The following VPS13D variants were observed in gnomAD, a reference collection of about 807,000 sequenced individuals.
The protein encoded by VPS13D is intermembrane lipid transfer protein VPS13D.
Under a neutral mutation model 461.9 loss-of-function variants are expected in VPS13D, and 187 were observed. The observed-to-expected ratio is 0.40, with a 90% CI of 0.36 to 0.46. VPS13D has a LOEUF of 0.46. VPS13D is among the 20% of genes least tolerant of loss of function. The pLI is 0.60. For missense variants in VPS13D, 4,711 were observed against 5,364.9 expected, an observed-to-expected ratio of 0.88 and a Z score of 3.81; for synonymous variants, 1,951 against 1,986.3, an observed-to-expected ratio of 0.98 and a Z score of 0.47.
intron 41 of VPS13D, among the ~76,000 whole-genome samples, chr1:12,342,477 G>A (rs940934216): frequency 7.2e-5 from 11 of 152,242 alleles, no homozygotes; most frequent in Non-Finnish European, 1.6e-4. Context: ...GAAGTGCATG[G>A]CATGAGTAAC....
At chr1:12,338,751 A>G (rs1643504645) in intron 40 of VPS13D, among the ~76,000 whole-genome samples, 1 of 152,214 alleles carries the variant, frequency 6.6e-6, no homozygotes, top group Non-Finnish European at 1.5e-5. Flanking sequence ...AAAAATTCTC[A>G]GTAAATAATT....
At chr1:12,306,835 A>G (rs925463175) in intron 26 of VPS13D, among the ~76,000 whole-genome samples, 6 of 152,298 alleles carry the variant, frequency 3.9e-5, no homozygotes, top group Admixed American at 1.3e-4. Context: ...TAAGGAGCAC[A>G]CAATCTAGAT....
intron 5 of VPS13D, among the ~76,000 whole-genome samples, chr1:12,246,516 C>T (rs973424066): frequency 2.6e-5 from 4 of 152,138 alleles, no homozygotes; most frequent in Non-Finnish European, 5.9e-5. Context: ...AAATGAAATC[C>T]GGAACACTTC....
Position 12,311,532 on chromosome 1 carries a change from A to G in VPS13D, c.6729A>G (p.Lys2243=). Residue 2243 remains lysine, a synonymous_variant, in exon 28 of 70, where the codon AAA becomes AAG. Coordinates refer to ENST00000620676, the MANE Select transcript of VPS13D (RefSeq NM_015378.4). ...SSVHCSLDLY[K]YKLIRGLLEN... ...TCCACTGCTCTCTGGATCTGTATAA[A>G]TACAAGCTGATCCGCGGCTTATTAG... 1 of 1,614,196 alleles carries G rather than the reference A, an allele frequency of 6.2e-7. No homozygotes were observed. Among genetic ancestry groups the G allele is most frequent in the Non-Finnish European group, 8.5e-7 (1 of 1,180,032 alleles).
At chr1:12,340,506 C>T (rs546388887) in intron 40 of VPS13D, among the ~76,000 whole-genome samples, 1 of 152,300 alleles carries the variant, frequency 6.6e-6, no homozygotes, top group African/African-American at 2.4e-5. Flanking sequence ...AAGGCAGTGA[C>T]AATTACCGAC....
chr1:12,357,737 C>T (rs760254829), intron 49 of VPS13D, among the ~76,000 whole-genome samples: 17 of 152,262 alleles, frequency 1.1e-4, no homozygotes, highest in South Asian at 6.2e-4. Flanking sequence ...CGGCTGGGTA[C>T]GGTGGCTCAT....
chr1:12,233,856 G>A (rs2101171666), intron 1 of VPS13D, among the ~76,000 whole-genome samples: 1 of 152,136 alleles, frequency 6.6e-6, no homozygotes, highest in South Asian at 2.1e-4. Context: ...GGGACAGGCT[G>A]GTCAACATGG....
At chr1:12,336,380 A>G (rs1474030994) in intron 39 of VPS13D, 1 of 152,566 alleles carries the variant, frequency 6.6e-6, no homozygotes, top group Non-Finnish European at 1.5e-5. Context: ...CTCTCTATTG[A>G]TGATGCTTTC....
chr1:12,311,547 C>T lies in VPS13D; in HGVS notation c.6744C>T (p.Arg2248=), dbSNP rs141577229. 3.7e-5 allele frequency: 60 copies of T among 1,614,120 alleles called. No homozygotes were observed. Among genetic ancestry groups the T allele is most frequent in the East Asian group, 2.5e-4 (11 of 44,876 alleles). The change falls in exon 28 of 70, where the codon CGC becomes CGT. Residue 2248 remains arginine (R), a synonymous_variant. Transcript: ENST00000620676. ...SLDLYKYKLI[R]GLLENNLGEP... The stretch of plus-strand genomic sequence containing the variant: ...ATCTGTATAAATACAAGCTGATCCG[C>T]GGCTTATTAGAGAACAACCTGGGAG...
chr1:12,262,535 C>T (rs907936619), intron 13 of VPS13D, among the ~76,000 whole-genome samples: 16 of 152,190 alleles, frequency 1.1e-4, no homozygotes, highest in African/African-American at 3.1e-4. Context: ...GTCAGCCATG[C>T]GGTCATGAGG....
intron 67 of VPS13D, among the ~76,000 whole-genome samples, chr1:12,469,324 C>T (rs1004707533): frequency 6.6e-6 from 1 of 152,144 alleles, no homozygotes; most frequent in Admixed American, 6.5e-5. Flanking sequence ...ATAGTATTCT[C>T]TAATGAGTAT....
chr1:12,467,395 C>G (rs192404082), intron 67 of VPS13D, among the ~76,000 whole-genome samples: 1 of 152,224 alleles, frequency 6.6e-6, no homozygotes, highest in Admixed American at 6.5e-5. Flanking sequence ...CGGTCTCGAA[C>G]TCCTGACCTC....
Position 12,275,878 on chromosome 1 carries a change from A to G in VPS13D, c.2290A>G (p.Ser764Gly). 6.2e-7 allele frequency: 1 copy of G among 1,613,460 alleles called. No individual in the cohort carries two copies. The highest frequency in any genetic ancestry group is 8.5e-7 in the Non-Finnish European group (1 of 1,179,800). Reference sequence around the variant, plus strand: ...GTCAGCATCTGAAGAGACCCAGTTTAGTGATGATGAATATAAGACCCCCCT... The same window carrying G: ...GTCAGCATCTGAAGAGACCCAGTTTGGTGATGATGAATATAAGACCCCCCT... ...DGSASEETQF[S>G]DDEYKTPLAT... Residue 764 changes from serine (S) to glycine (G), a missense_variant, in exon 19 of 70, where the codon AGT becomes GGT. By Grantham distance (56) the Ser-to-Gly change is moderately conservative. This residue lies in a region of VPS13D where 4,411 missense variants were observed against 4,937.8 expected (regional missense o/e 0.89). Transcript: ENST00000620676.
chr1:12,270,882 ATTTT>A, intron 16 of VPS13D, 108 bp from the exon 17 acceptor site: 2 of 1,100,238 alleles, frequency 1.8e-6, no homozygotes, highest in Non-Finnish European at 2.5e-6. Flanking sequence ...GCCCAGCCTG[ATTTT>A]TTTTTTTTTA....
intron 1 of VPS13D, among the ~76,000 whole-genome samples, chr1:12,232,070 A>T (rs1177812603): frequency 1.3e-5 from 2 of 152,206 alleles, no homozygotes. Context: ...AATTGTTCTT[A>T]TAACATCTTC....
intron 63 of VPS13D, among the ~76,000 whole-genome samples, chr1:12,414,510 A>G (rs924514874): frequency 6.6e-6 from 1 of 152,170 alleles, no homozygotes; most frequent in East Asian, 1.9e-4. Context: ...GAAGCCACCT[A>G]CAACGAAGTG....
At chr1:12,382,259 G>A (rs1300654056) in intron 57 of VPS13D, among the ~76,000 whole-genome samples, 1 of 151,902 alleles carries the variant, frequency 6.6e-6, no homozygotes, top group African/African-American at 2.4e-5. Context: ...CTGCAACCAT[G>A]CCTGGCTAAT....
Position 12,242,571 on chromosome 1 carries a change from A to G in VPS13D, c.156A>G (p.Leu52=), listed in dbSNP as rs1640413828. 6.2e-7 allele frequency: 1 copy of G among 1,614,050 alleles called. No homozygotes were observed. Residue 52 remains leucine (L), a synonymous_variant, in exon 3 of 70, where the codon TTA becomes TTG. Coordinates refer to ENST00000620676, the MANE Select transcript of VPS13D (RefSeq NM_015378.4). ...AAGATGCCTTGAAAGAATTGGAATTACCATTTGAAGTCAAAGCTGGTATGT... is the reference window on the plus strand; with the variant it reads ...AAGATGCCTTGAAAGAATTGGAATTGCCATTTGAAGTCAAAGCTGGTATGT... ...LKKDALKELE[L]PFEVKAGFIG...
At chr1:12,338,367 C>A in intron 40 of VPS13D, 62 bp downstream of exon 40, 1 of 1,511,910 alleles carries the variant, frequency 6.6e-7, no homozygotes, top group South Asian at 1.1e-5. Flanking sequence ...CCTTGTACAT[C>A]AATTTTTTTT....
Sources: allele counts gnomAD v4.1 joint callset (sites outside exome capture counted in the v4.1 genomes callset), GRCh38; gene constraint gnomAD v4.1.1; regional missense constraint gnomAD v4.1.1; transcripts MANE v1.5; gene names NCBI Gene and HGNC (gene_info 2026-07-23, HGNC 2026-07-21).